The following BDH1 variants were observed in gnomAD, a reference collection of about 807,000 sequenced individuals.
BDH1 encodes the protein D-beta-hydroxybutyrate dehydrogenase, mitochondrial.
In BDH1, 30 loss-of-function variants were observed where a neutral mutation model predicts 33.1. That is an observed-to-expected ratio of 0.91 (90% confidence interval 0.68 to 1.23). BDH1 has a LOEUF of 1.23. Among genes scored for constraint, BDH1 ranks in the 50% most tolerant of loss-of-function variants. The pLI is 0.00. For missense variants in BDH1, 443 were observed against 464.4 expected (o/e 0.95, Z 0.42); for synonymous variants, 190 against 183.6 (o/e 1.03, Z -0.28).
At chr3:197,530,895 G>A (rs1714581703) in intron 5 of BDH1, among the ~76,000 whole-genome samples, 1 of 152,188 alleles carries the variant, frequency 6.6e-6, no homozygotes, top group Admixed American at 6.5e-5. Context: ...GAACAGATAG[G>A]GGTGAGGGAA....
At position 197,522,198 on chromosome 3, in the gene BDH1, C is replaced by T. The variant is rs1448948341; in HGVS notation, c.409+442G>A. On this transcript the variant is annotated intron_variant, in intron 6 of 7. Coordinates refer to ENST00000392379, the MANE Select transcript of BDH1 (RefSeq NM_203314.3). This position sits in a 1 kb window ranked among gnomAD's most constrained non-coding sequence, Gnocchi z 4.8. ...TAACTGGCCTATTTCCACTGCGCCC[C>T]CATGGCTGGACTGACCCCTCCTTCC... Among the ~76,000 whole-genome samples, 4 of 152,226 alleles carry T rather than the reference C, an allele frequency of 2.6e-5. No homozygotes were observed. The highest frequency in any genetic ancestry group is 1.3e-4 in the Admixed American group (2 of 15,286).
chr3:197,552,201 C>T lies in BDH1; in HGVS notation c.-44+2361G>A, dbSNP rs377265687. On this transcript the variant is annotated intron_variant, in intron 2 of 7. Coordinates refer to ENST00000392379, the MANE Select transcript of BDH1 (RefSeq NM_203314.3). ...TCATTCTTGACTCCCCTTTCCTGCACACTCCACGGCCCAGTGCTCGGCAAG... is the reference window on the plus strand; with the variant it reads ...TCATTCTTGACTCCCCTTTCCTGCATACTCCACGGCCCAGTGCTCGGCAAG... Among the ~76,000 whole-genome samples, 77 of 152,294 alleles carry T rather than the reference C, an allele frequency of 5.1e-4. No individual in the cohort carries two copies. The South Asian group carries it at 0.016, about 31-fold the overall frequency.
intron 3 of BDH1, chr3:197,543,036 C>T (rs1384450213): frequency 4.1e-6 from 4 of 985,294 alleles, no homozygotes; most frequent in Non-Finnish European, 3.6e-6. Context: ...CTGGCCAGGG[C>T]GTTCATTCTG....
intron 6 of BDH1, chr3:197,515,770 G>A (rs1712642796): frequency 1.0e-6 from 1 of 973,170 alleles, no homozygotes; most frequent in African/African-American, 1.8e-5. Flanking sequence ...CGGGTGTGGT[G>A]GCGGGCACCT....
chr3:197,541,986 G>T (rs1185341072), intron 3 of BDH1, among the ~76,000 whole-genome samples: 1 of 152,158 alleles, frequency 6.6e-6, no homozygotes, highest in African/African-American at 2.4e-5. Flanking sequence ...TTTTGTCCAG[G>T]GACAGCAGTG....
rs773764106 is a variant in BDH1 at position 197,528,567 on chromosome 3, G to A, written c.267+3845C>T. On this transcript the variant is annotated intron_variant, in intron 5 of 7. Transcript: ENST00000392379. The surrounding 1 kb of genome is among the most constrained non-coding windows in gnomAD (Gnocchi z 5.1). ...GCAAATTCCCCCTTTCAACCCCCAC[G>A]GTGCCTTATCCAAAGCCTCTGGTGG... 2.0e-5 allele frequency: 3 copies of A among 152,194 alleles called. No homozygotes were observed. Among genetic ancestry groups the A allele is most frequent in the Admixed American group, 6.5e-5 (1 of 15,274 alleles). The allele number at this position is 152,194 out of a possible 1,614,324, so 9.4% of individuals were successfully genotyped here. A position where few individuals can be genotyped will look rare whatever the true frequency, so the allele number is the denominator to read the frequency against.
In BDH1 at chr3:197,510,599, G is replaced by GGGGTGTGTGTGTGTGTGTGTGTGTGT. The variant is rs1553865645; in HGVS notation, c.*1295_*1296insACACACACACACACACACACACACCC. Reference sequence around the variant, plus strand: ...CCACGCTGAAGCCCTGCAGAACAGGGGTGTGTGTGTGTGTGTGTGTGTGTG... The same window carrying GGGGTGTGTGTGTGTGTGTGTGTGTGT: ...CCACGCTGAAGCCCTGCAGAACAGGGGGGTGTGTGTGTGTGTGTGTGTGTGTGTGTGTGTGTGTGTGTGTGTGTGTG... On this transcript the variant is annotated 3_prime_UTR_variant, in exon 8 of 8. Transcript: ENST00000392379. 1.3e-5 allele frequency: 1 copy of GGGGTGTGTGTGTGTGTGTGTGTGTGT among 75,316 alleles called. No homozygotes were observed. The highest frequency in any genetic ancestry group is 7.8e-4 in the East Asian group (1 of 1,280). The allele number at this position is 75,316 out of a possible 1,614,324, so 4.7% of individuals were successfully genotyped here. A position where few individuals can be genotyped will look rare whatever the true frequency, so the allele number is the denominator to read the frequency against.
At chr3:197,547,238 G>A (rs757056981) in intron 2 of BDH1, among the ~76,000 whole-genome samples, 5 of 152,226 alleles carry the variant, frequency 3.3e-5, no homozygotes, top group East Asian at 1.9e-4. Flanking sequence ...TGATCAGCAC[G>A]GGCATGCGTT....
intron 3 of BDH1, among the ~76,000 whole-genome samples, chr3:197,541,754 T>C (rs1715644917): frequency 6.6e-6 from 1 of 152,154 alleles, no homozygotes; most frequent in Non-Finnish European, 1.5e-5. Context: ...CACTGTTCTC[T>C]AGGTGATTCT....
chr3:197,524,760 T>G (rs1713920299), intron 5 of BDH1, among the ~76,000 whole-genome samples: 1 of 151,040 alleles, frequency 6.6e-6, no homozygotes, highest in Admixed American at 6.6e-5. Flanking sequence ...GGGGGATGCT[T>G]GAGGATGGGG....
chr3:197,512,171 G>A lies in BDH1; in HGVS notation c.756C>T (p.Ser252=), dbSNP rs144603437. Residue 252 remains serine, a synonymous_variant, in exon 8 of 8, where the codon AGC becomes AGT. Transcript: ENST00000392379. ...IAATSLYSPE[S]IQAIAKKMWE... is the part of the protein sequence containing the mutation. The stretch of plus-strand genomic sequence containing the variant: ...ACATCTTCTTGGCGATGGCCTGAAT[G>A]CTCTCAGGGCTGTAAAGGCTGGTGG... The A allele has an allele frequency of 5.0e-5, 81 of 1,614,054 alleles. No homozygotes were observed. Among genetic ancestry groups the A allele is most frequent in the Non-Finnish European group, 6.7e-5 (79 of 1,180,046 alleles).
chr3:197,546,829 C>A (rs1030547390), intron 2 of BDH1, among the ~76,000 whole-genome samples: 2 of 152,202 alleles, frequency 1.3e-5, no homozygotes, highest in African/African-American at 4.8e-5. Flanking sequence ...GACTCGGGGA[C>A]CTAACCCCTC....
chr3:197,572,026 G>C (rs989311608), intron 1 of BDH1, among the ~76,000 whole-genome samples: 3 of 152,194 alleles, frequency 2.0e-5, no homozygotes, highest in African/African-American at 7.2e-5. Flanking sequence ...AAAGCTGATA[G>C]CATCAGTGCC....
intron 1 of BDH1, among the ~76,000 whole-genome samples, chr3:197,570,975 G>A (rs767926031): frequency 2.0e-5 from 3 of 152,228 alleles, no homozygotes; most frequent in Non-Finnish European, 4.4e-5. Context: ...TAGCAGCCAG[G>A]AGGGAGGGTG....
In BDH1 at chr3:197,521,744, G is replaced by A. The variant is rs930303263; in HGVS notation, c.409+896C>T. Reference sequence around the variant, plus strand: ...CAAGTCACCAAGTCCAGGCAGCTTCGCCTTCTCAACACTCCTCGCACCTGA... The same window carrying A: ...CAAGTCACCAAGTCCAGGCAGCTTCACCTTCTCAACACTCCTCGCACCTGA... On this transcript the variant is annotated intron_variant, in intron 6 of 7. Transcript: ENST00000392379. This position sits in a 1 kb window ranked among gnomAD's most constrained non-coding sequence, Gnocchi z 4.9. 2.0e-5 allele frequency among the ~76,000 whole-genome samples: 3 copies of A among 152,252 alleles called. No homozygotes were observed. Among genetic ancestry groups the A allele is most frequent in the African/African-American group, 4.8e-5 (2 of 41,534 alleles).
intron 1 of BDH1, among the ~76,000 whole-genome samples, chr3:197,565,092 T>A (rs1009700250): frequency 1.4e-4 from 22 of 152,174 alleles, no homozygotes; most frequent in African/African-American, 4.6e-4. Flanking sequence ...CTGGCTAATT[T>A]TGTATTTTTA....
upstream of BDH1, among the ~76,000 whole-genome samples, chr3:197,559,908 A>T (rs576939498): frequency 3.9e-5 from 6 of 152,358 alleles, no homozygotes; most frequent in African/African-American, 1.4e-4. Flanking sequence ...GAACACAGAC[A>T]GTCTGTGGAA....
chr3:197,532,043 G>A (rs915076910), intron 5 of BDH1, among the ~76,000 whole-genome samples: 27 of 152,026 alleles, frequency 1.8e-4, no homozygotes, highest in African/African-American at 5.3e-4. Context: ...GAACATTCTC[G>A]CACACCCCTG....
chr3:197,564,097 C>CAAAAA (rs1717352266), intron 1 of BDH1, among the ~76,000 whole-genome samples: 3 of 46,568 alleles, frequency 6.4e-5, no homozygotes, highest in Admixed American at 4.0e-4. Context: ...CAGACTTCAT[C>CAAAAA]TAAAAAAAAA....
Sources: gnomAD v4.1 joint callset for allele counts (sites outside exome capture counted in the v4.1 genomes callset) on GRCh38, gnomAD v4.1.1 for gene constraint, Gnocchi (gnomAD v3.1) non-coding constraint, MANE v1.5 for transcripts, NCBI Gene and HGNC (gene_info 2026-07-23, HGNC 2026-07-21) for gene names.